ARMH3: variants seen among roughly 807,000 people sequenced by gnomAD.
ARMH3 encodes armadillo like helical domain containing 3, also known as armadillo-like helical domain-containing protein 3.
ARMH3 carries 60 observed loss-of-function variants against 99.1 expected under a neutral mutation model. The observed-to-expected ratio is 0.61, with a 90% confidence interval of 0.49 to 0.75. The LOEUF (loss-of-function observed/expected upper bound fraction) is 0.75. Ranked by LOEUF, ARMH3 falls within the 30% of genes least tolerant of loss-of-function variation. ARMH3 has a pLI of 0.00. For synonymous variants in ARMH3, 285 were observed against 292.8 expected (o/e 0.97, Z 0.27); for missense variants, 679 against 843.1 (o/e 0.81, Z 2.41).
intron 22 of ARMH3, among the ~76,000 whole-genome samples, chr10:101,942,215 A>G (rs1279014477): frequency 6.6e-6 from 1 of 152,202 alleles, no homozygotes; most frequent in African/African-American, 2.4e-5. Context: ...ACACAAAAAT[A>G]ATATGCAGCC....
At chr10:101,864,505 A>G (rs1023852066) in intron 24 of ARMH3, among the ~76,000 whole-genome samples, 1 of 152,228 alleles carries the variant, frequency 6.6e-6, no homozygotes, top group Non-Finnish European at 1.5e-5. Flanking sequence ...AATATCCATC[A>G]ATGATAGACT....
chr10:101,882,753 G>A (rs547582645), intron 24 of ARMH3, among the ~76,000 whole-genome samples: 15 of 152,160 alleles, frequency 9.9e-5, no homozygotes, highest in African/African-American at 2.4e-4. Flanking sequence ...CGCCTTGCCC[G>A]CCCAAAGTGC....
intron 24 of ARMH3, among the ~76,000 whole-genome samples, chr10:101,869,459 A>G (rs2067084027): frequency 6.6e-6 from 1 of 152,336 alleles, no homozygotes; most frequent in South Asian, 2.1e-4. Flanking sequence ...TAACAAAAAT[A>G]TATCTTGAAA....
At chr10:102,009,950 C>T in intron 12 of ARMH3, 27 bp downstream of exon 12, 1 of 1,608,024 alleles carries the variant, frequency 6.2e-7, no homozygotes, top group Non-Finnish European at 8.5e-7. Context: ...AAGTCCAAGT[C>T]ACTGCACAAG....
At chr10:101,981,204 G>GA (rs1201215815) in intron 19 of ARMH3, among the ~76,000 whole-genome samples, 3 of 151,408 alleles carry the variant, frequency 2.0e-5, no homozygotes, top group Non-Finnish European at 2.9e-5. Context: ...AAAAGAAAAA[G>GA]AAAAAAAACA....
chr10:101,926,224 G>T (rs1387430126), intron 23 of ARMH3, among the ~76,000 whole-genome samples: 1 of 152,108 alleles, frequency 6.6e-6, no homozygotes, highest in African/African-American at 2.4e-5. Context: ...GTCTCACTCT[G>T]TCGCCCAGGC....
intron 19 of ARMH3, among the ~76,000 whole-genome samples, chr10:101,977,865 A>G (rs1846076608): frequency 6.6e-6 from 1 of 152,254 alleles, no homozygotes; most frequent in Non-Finnish European, 1.5e-5. Flanking sequence ...ATCCTCACCC[A>G]GATGTAGCCC....
In ARMH3 at chr10:102,029,729, A is replaced by C. The variant is rs1266677452; in HGVS notation, c.323T>G (p.Ile108Ser). 1 of 1,613,996 alleles carries C rather than the reference A, an allele frequency of 6.2e-7. No individual in the cohort carries two copies. The highest frequency in any genetic ancestry group is 8.5e-7 in the Non-Finnish European group (1 of 1,179,928). ...CTTATTCTTTTGATGGACTCCTCGA[A>C]TGAGTGCGCACAGGGTCTGCAGAAA... ...VNALQTLCALIRGVHQKNKST... is the reference protein window; with the variant it reads ...VNALQTLCALSRGVHQKNKST... The change falls in exon 5 of 26, where the codon ATT (isoleucine) becomes AGT (serine). Residue 108 changes from isoleucine to serine, a missense_variant. Ile to Ser is a moderately radical substitution (Grantham distance 142). Coordinates refer to ENST00000370033, the MANE Select transcript of ARMH3 (RefSeq NM_024541.3).
chr10:101,859,477 C>A (rs1258518595), intron 24 of ARMH3, among the ~76,000 whole-genome samples: 3 of 152,210 alleles, frequency 2.0e-5, no homozygotes, highest in Non-Finnish European at 4.4e-5. Context: ...ATAAATAAAT[C>A]CTGTACAAAA....
rs2066465058 is a variant in ARMH3 at position 101,846,233 on chromosome 10, A to T, written c.*1295T>A. 1 of 152,740 alleles carries T rather than the reference A, an allele frequency of 6.5e-6. No homozygotes were observed. Among genetic ancestry groups the T allele is most frequent in the Non-Finnish European group, 1.5e-5 (1 of 68,168 alleles). 9.5% of individuals were successfully genotyped at this position (152,740 alleles called of 1,614,324 possible). ...CCAGAAAGTTCTCTCCCTCCCAGGCACTAGACCATGACAGGAATAGATTCC... is the reference window on the plus strand; with the variant it reads ...CCAGAAAGTTCTCTCCCTCCCAGGCTCTAGACCATGACAGGAATAGATTCC... On this transcript the variant is annotated 3_prime_UTR_variant, in exon 26 of 26. Coordinates refer to ENST00000370033, the MANE Select transcript of ARMH3 (RefSeq NM_024541.3).
intron 1 of ARMH3, among the ~76,000 whole-genome samples, chr10:102,049,528 C>T (rs1590240241): frequency 6.7e-6 from 1 of 150,054 alleles, no homozygotes; most frequent in African/African-American, 2.5e-5. Flanking sequence ...GGGGATAGAG[C>T]GAGACTCTGT....
At chr10:102,033,529 C>T in intron 2 of ARMH3, 190 bp from the exon 3 acceptor site, 1 of 558,520 alleles carries the variant, frequency 1.8e-6, no homozygotes, top group Non-Finnish European at 3.0e-6. Context: ...CGCCATTCCC[C>T]CGCCTCAGCC....
intron 24 of ARMH3, among the ~76,000 whole-genome samples, chr10:101,865,473 C>T (rs1402789001): frequency 6.6e-6 from 1 of 151,928 alleles, no homozygotes; most frequent in Non-Finnish European, 1.5e-5. Context: ...AACTGTAGTA[C>T]CTACTGTACT....
intron 13 of ARMH3, among the ~76,000 whole-genome samples, chr10:102,009,099 C>A (rs1257329053): frequency 2.6e-5 from 4 of 152,052 alleles, no homozygotes; most frequent in Admixed American, 2.6e-4. Context: ...TTCTAGTGAG[C>A]AAAATGAAGT....
chr10:102,029,403 ACTATT>A, intron 5 of ARMH3: 1 of 1,470,038 alleles, frequency 6.8e-7, no homozygotes, highest in Non-Finnish European at 9.1e-7. Context: ...AATAAAATAA[ACTATT>A]CTGTCTTTAT....
At chr10:101,980,753 T>G (rs1377172404) in intron 19 of ARMH3, among the ~76,000 whole-genome samples, 1 of 152,082 alleles carries the variant, frequency 6.6e-6, no homozygotes, top group East Asian at 1.9e-4. Context: ...TAAAGACACA[T>G]GCACATGTAT....
intron 23 of ARMH3, among the ~76,000 whole-genome samples, chr10:101,936,769 C>T (rs1464054744): frequency 2.0e-5 from 3 of 151,960 alleles, no homozygotes; most frequent in Admixed American, 6.6e-5. Flanking sequence ...TGTCCATCAA[C>T]GGATGAATGG....
At chr10:102,043,232 T>C (rs1291773917) in intron 1 of ARMH3, among the ~76,000 whole-genome samples, 1 of 152,178 alleles carries the variant, frequency 6.6e-6, no homozygotes, top group Non-Finnish European at 1.5e-5. Context: ...TTGCAAGGCA[T>C]AATGGAACAA....
chr10:101,865,992 A>G (rs1473136068), intron 24 of ARMH3, among the ~76,000 whole-genome samples: 2 of 151,062 alleles, frequency 1.3e-5, no homozygotes, highest in South Asian at 2.1e-4. Flanking sequence ...AGGCCGAGGC[A>G]GGTGGATCAC....
Sources: gnomAD v4.1 joint callset for allele counts (sites outside exome capture counted in the v4.1 genomes callset) on GRCh38, gnomAD v4.1.1 for gene constraint, MANE v1.5 for transcripts, NCBI Gene and HGNC (gene_info 2026-07-23, HGNC 2026-07-21) for gene names.